TRPM3: variants seen among roughly 807,000 people sequenced by gnomAD.
TRPM3 encodes the protein long transient receptor potential channel 3.
TRPM3 carries 77 observed loss-of-function variants against 181.2 expected under a neutral mutation model. That is an observed-to-expected ratio of 0.42 (90% CI 0.35 to 0.51). TRPM3 has a LOEUF of 0.51. Among genes scored for constraint, TRPM3 ranks in the 20% least tolerant of loss-of-function variants. The pLI, the probability that TRPM3 is intolerant of heterozygous loss-of-function variation, is 0.01. For synonymous variants in TRPM3, 745 were observed against 796.4 expected, an observed-to-expected ratio of 0.94 and a Z score of 1.09; for missense variants, 1,759 against 2,196.7, an observed-to-expected ratio of 0.80 and a Z score of 3.98.
chr9:70,909,182 T>C (rs2096508205), intron 1 of TRPM3, among the ~76,000 whole-genome samples: 1 of 152,234 alleles, frequency 6.6e-6, no homozygotes, highest in Non-Finnish European at 1.5e-5. Context: ...AGCTGATTGC[T>C]TAGTTTCCAG....
At position 70,792,445 on chromosome 9, in the gene TRPM3, G is replaced by T. The variant is rs189135584; in HGVS notation, c.974-8166C>A. 5.9e-5 allele frequency among the ~76,000 whole-genome samples: 9 copies of T among 151,920 alleles called. No individual in the cohort carries two copies. The East Asian group carries it at 1.7e-3, about 29-fold the overall frequency. On this transcript the variant is annotated intron_variant, in intron 6 of 25. Transcript: ENST00000677713. ...GGAAGAGGGAAGGAAGTGGTATGGG[G>T]GAGGAAGGAGAGAGAGAGGGGAGAG...
chr9:70,607,534 C>T (rs2061369833), intron 19 of TRPM3, among the ~76,000 whole-genome samples: 1 of 152,162 alleles, frequency 6.6e-6, no homozygotes, highest in African/African-American at 2.4e-5. Flanking sequence ...ACACAGGCCC[C>T]ACCACCCCCC....
chr9:71,339,475 T>C (rs559947415), intron 1 of TRPM3, among the ~76,000 whole-genome samples: 1 of 151,888 alleles, frequency 6.6e-6, no homozygotes, highest in Non-Finnish European at 1.5e-5. Context: ...AGTGCATGAA[T>C]TGACAAGCCA....
At chr9:70,645,163 C>T (rs1049367198) in intron 9 of TRPM3, among the ~76,000 whole-genome samples, 1 of 152,122 alleles carries the variant, frequency 6.6e-6, no homozygotes, top group Non-Finnish European at 1.5e-5. Flanking sequence ...AATGCTATTA[C>T]CATCAAGCTA....
intron 6 of TRPM3, among the ~76,000 whole-genome samples, chr9:70,814,154 T>C (rs1249180635): frequency 6.6e-6 from 1 of 152,166 alleles, no homozygotes; most frequent in Non-Finnish European, 1.5e-5. Flanking sequence ...GCTGAAGAAG[T>C]TTGACATGTG....
intron 1 of TRPM3, among the ~76,000 whole-genome samples, chr9:71,298,413 T>C (rs2086478676): frequency 6.6e-6 from 1 of 151,850 alleles, no homozygotes; most frequent in Non-Finnish European, 1.5e-5. Flanking sequence ...AAAAGCTGAT[T>C]AAAATCTGAT....
intron 8 of TRPM3, among the ~76,000 whole-genome samples, chr9:70,758,980 T>C (rs1480083123): frequency 6.6e-6 from 1 of 152,028 alleles, no homozygotes; most frequent in Non-Finnish European, 1.5e-5. Flanking sequence ...AATTGACAAA[T>C]GGGATCTAAT....
chr9:70,614,607 T>A (rs1478415773), intron 18 of TRPM3, among the ~76,000 whole-genome samples: 1 of 152,164 alleles, frequency 6.6e-6, no homozygotes, highest in Non-Finnish European at 1.5e-5. Flanking sequence ...GTTAAAACAG[T>A]ATTAGTTCAC....
intron 1 of TRPM3, among the ~76,000 whole-genome samples, chr9:70,991,300 TATA>T (rs2097481837): frequency 6.6e-6 from 1 of 152,212 alleles, no homozygotes; most frequent in African/African-American, 2.4e-5. Context: ...CAATCCACAG[TATA>T]ATATTAACAG....
At chr9:71,399,425 T>TATA in intron 1 of TRPM3, among the ~76,000 whole-genome samples, 1 of 151,960 alleles carries the variant, frequency 6.6e-6, no homozygotes, top group Non-Finnish European at 1.5e-5. Flanking sequence ...ATGTATTCAA[T>TATA]ATAGATTCAA....
intron 1 of TRPM3, among the ~76,000 whole-genome samples, chr9:71,293,821 G>T (rs891014371): frequency 7.9e-5 from 12 of 151,904 alleles, no homozygotes; most frequent in African/African-American, 2.7e-4. Context: ...CAATGATATT[G>T]TCTTAAGGAT....
At chr9:71,265,958 C>T (rs367660551) in intron 1 of TRPM3, among the ~76,000 whole-genome samples, 14 of 152,280 alleles carry the variant, frequency 9.2e-5, no homozygotes, top group Non-Finnish European at 1.2e-4. Context: ...GATGAATAAC[C>T]TATCTTGCCA....
intron 1 of TRPM3, among the ~76,000 whole-genome samples, chr9:71,254,961 A>G (rs1054063155): frequency 6.6e-6 from 1 of 152,232 alleles, no homozygotes; most frequent in Non-Finnish European, 1.5e-5. Flanking sequence ...CCTCTTTCAG[A>G]GACAGCTTTG....
intron 20 of TRPM3, among the ~76,000 whole-genome samples, chr9:70,601,926 G>A (rs1454584886): frequency 2.6e-5 from 4 of 152,180 alleles, no homozygotes; most frequent in Non-Finnish European, 5.9e-5. Flanking sequence ...GCACAGCACA[G>A]CCACAGGGCC....
At chr9:70,694,172 C>G (rs2069463666) in intron 8 of TRPM3, among the ~76,000 whole-genome samples, 1 of 152,192 alleles carries the variant, frequency 6.6e-6, no homozygotes, top group Non-Finnish European at 1.5e-5. Context: ...CTTTAGTTTC[C>G]TGGGTTTTTT....
chr9:70,962,329 A>G (rs2097144279), intron 1 of TRPM3, among the ~76,000 whole-genome samples: 1 of 152,074 alleles, frequency 6.6e-6, no homozygotes, highest in African/African-American at 2.4e-5. Context: ...CTAAAGGATC[A>G]TAGTAAAATA....
intron 1 of TRPM3, among the ~76,000 whole-genome samples, chr9:70,897,471 G>A (rs2096294986): frequency 6.6e-6 from 1 of 151,564 alleles, no homozygotes; most frequent in Non-Finnish European, 1.5e-5. Flanking sequence ...GATGTATAAG[G>A]GTAGCGAATA....
chr9:70,741,836 G>C (rs1016400070), intron 8 of TRPM3, among the ~76,000 whole-genome samples: 1 of 152,080 alleles, frequency 6.6e-6, no homozygotes, highest in Non-Finnish European at 1.5e-5. Flanking sequence ...GGGTGGGAAG[G>C]GGGTGAGGGA....
chr9:70,558,804 T>C lies in TRPM3; in HGVS notation c.3224-5494A>G, dbSNP rs185425802. On this transcript the variant is annotated intron_variant, in intron 22 of 25. Transcript: ENST00000677713. Reference sequence around the variant, plus strand: ...TGGGAAGGCTACATCTATGCAGCAGTGGCAAATTAGAAGGGATCAAACATT... The same window carrying C: ...TGGGAAGGCTACATCTATGCAGCAGCGGCAAATTAGAAGGGATCAAACATT... Among the ~76,000 whole-genome samples the C allele has an allele frequency of 2.2e-3, 341 of 152,290 alleles. 4 individuals carry two copies. Among genetic ancestry groups the C allele is most frequent in the Admixed American group, 0.018 (280 of 15,292 alleles).
Sources: gnomAD v4.1 joint callset for allele counts (sites outside exome capture counted in the v4.1 genomes callset) on GRCh38, gnomAD v4.1.1 for gene constraint, MANE v1.5 for transcripts, NCBI Gene and HGNC (gene_info 2026-07-23, HGNC 2026-07-21) for gene names.